Variants in CUX2 observed in about 807,000 individuals in gnomAD.
CUX2 encodes cut like homeobox 2, also known as homeobox protein cut-like 2.
In CUX2, 40 loss-of-function variants were observed where a neutral mutation model predicts 144.8. The observed-to-expected ratio is 0.28, with a 90% confidence interval of 0.21 to 0.36. CUX2 has a LOEUF of 0.36. CUX2 is among the 10% of genes least tolerant of loss of function. CUX2 has a pLI of 1.00. For synonymous variants in CUX2, 827 were observed against 875.6 expected (o/e 0.94, Z 0.98); for missense variants, 1,615 against 1,994.0 (o/e 0.81, Z 3.62).
Position 111,322,321 on chromosome 12 carries a change from C to CAAAAAAAAAAAAA in CUX2, c.2767-89_2767-77dup. On this transcript the variant is annotated intron_variant, in intron 17 of 21. Coordinates refer to ENST00000261726, the MANE Select transcript of CUX2 (RefSeq NM_015267.4). The surrounding 1 kb of genome is among the most constrained non-coding windows in gnomAD (Gnocchi z 4.2). ...CGACAGACAAAGCGAGACTCTGCCT[C>CAAAAAAAAAAAAA]AAAAAAAAAAAAAAAAAAAAAAAGG... The CAAAAAAAAAAAAA allele has an allele frequency of 1.3e-6, 1 of 758,272 alleles. No homozygotes were observed. The highest frequency in any genetic ancestry group is 1.8e-6 in the Non-Finnish European group (1 of 549,996). The allele number at this position is 758,272 out of a possible 1,614,324, so 47.0% of individuals were successfully genotyped here.
intron 2 of CUX2, among the ~76,000 whole-genome samples, chr12:111,216,098 C>T (rs1025777735): frequency 1.3e-5 from 2 of 152,172 alleles, no homozygotes; most frequent in African/African-American, 2.4e-5. Context: ...GTCCCCCAGC[C>T]GTGAAGCAGA....
At chr12:111,227,939 G>A (rs1309251495) in intron 3 of CUX2, among the ~76,000 whole-genome samples, 1 of 152,248 alleles carries the variant, frequency 6.6e-6, no homozygotes, top group East Asian at 1.9e-4. Flanking sequence ...GGCCTCATGG[G>A]AGAGACAGAT....
At chr12:111,300,643 C>T (rs547531698) in intron 9 of CUX2, among the ~76,000 whole-genome samples, 2 of 152,234 alleles carry the variant, frequency 1.3e-5, no homozygotes, top group South Asian at 4.2e-4. Flanking sequence ...CTGTGCAATC[C>T]ATACAGTCTC....
At chr12:111,230,718 C>T (rs1012695866) in intron 3 of CUX2, among the ~76,000 whole-genome samples, 4 of 152,192 alleles carry the variant, frequency 2.6e-5, no homozygotes, top group South Asian at 2.1e-4. Context: ...CACCATCTAG[C>T]GGAAGAGACA....
At chr12:111,188,639 C>G (rs566858506) in intron 1 of CUX2, among the ~76,000 whole-genome samples, 1 of 151,576 alleles carries the variant, frequency 6.6e-6, no homozygotes, top group East Asian at 1.9e-4. Flanking sequence ...ACCCAGAGAG[C>G]GGGGGGGAAA....
chr12:111,046,664 TA>T (rs1417451124), intron 1 of CUX2, among the ~76,000 whole-genome samples: 1 of 152,142 alleles, frequency 6.6e-6, no homozygotes, highest in Admixed American at 6.5e-5. Flanking sequence ...TATTTTTATT[TA>T]TTTTTTTTTG....
Position 111,255,284 on chromosome 12 carries a change from C to G in CUX2, c.223-8477C>G, listed in dbSNP as rs80336162. Among the ~76,000 whole-genome samples, 6,041 of 152,298 alleles carry G rather than the reference C, an allele frequency of 0.04. 389 individuals carry two copies. Among genetic ancestry groups the G allele is most frequent in the African/African-American group, 0.14 (5,679 of 41,534 alleles). On this transcript the variant is annotated intron_variant, in intron 3 of 21. Transcript: ENST00000261726. This position sits in a 1 kb window ranked among gnomAD's most constrained non-coding sequence, Gnocchi z 4.1. ...GCAGGAGACTGAGAACCCAGTTTGA[C>G]AACAGTAGCTATCAAAAACAAAAGT...
At chr12:111,278,495 A>G (rs147898490) in intron 4 of CUX2, among the ~76,000 whole-genome samples, 2 of 152,312 alleles carry the variant, frequency 1.3e-5, no homozygotes, top group East Asian at 1.9e-4. Context: ...TCTGCCTGCC[A>G]CAGAGATGCC....
In CUX2 at chr12:111,310,531, G is replaced by C; in HGVS notation, c.1749G>C (p.Leu583=). 6.2e-7 allele frequency: 1 copy of C among 1,614,092 alleles called. No homozygotes were observed. Among genetic ancestry groups the C allele is most frequent in the Non-Finnish European group, 8.5e-7 (1 of 1,180,018 alleles). Residue 583 remains leucine (L), a synonymous_variant, in exon 15 of 22, where the codon CTG becomes CTC. Transcript: ENST00000261726. This position sits in a 1 kb window ranked among gnomAD's most constrained non-coding sequence, Gnocchi z 7.9. ...QRVFGHYVLG[L]SQGSVSEILA... ...TGTTTGGGCATTACGTGCTGGGGCT[G>C]TCGCAGGGCTCGGTCAGCGAGATCC...
chr12:111,132,601 C>A, intron 1 of CUX2, among the ~76,000 whole-genome samples: 1 of 115,960 alleles, frequency 8.6e-6, no homozygotes, highest in Non-Finnish European at 1.6e-5. Flanking sequence ...GAGTCTCACT[C>A]TGTCACCCAG....
At position 111,274,220 on chromosome 12, in the gene CUX2, G is replaced by A. The variant is rs541545321; in HGVS notation, c.301+10381G>A. 1.2e-4 allele frequency among the ~76,000 whole-genome samples: 18 copies of A among 152,206 alleles called. No homozygotes were observed. The South Asian group carries it at 2.5e-3, about 21-fold the overall frequency. ...GCTGAGATTACAGGCATGAGCTACC[G>A]CGCCTGGTGAAGAACTTTATTTTTA... On this transcript the variant is annotated intron_variant, in intron 4 of 21. Coordinates refer to ENST00000261726, the MANE Select transcript of CUX2 (RefSeq NM_015267.4).
At chr12:111,102,495 G>C (rs1413912505) in intron 1 of CUX2, among the ~76,000 whole-genome samples, 1 of 152,226 alleles carries the variant, frequency 6.6e-6, no homozygotes, top group Non-Finnish European at 1.5e-5. Flanking sequence ...TGTGCCCTGA[G>C]CCCACCCCAC....
chr12:111,155,985 C>A (rs1382236207), intron 1 of CUX2, among the ~76,000 whole-genome samples: 1 of 152,162 alleles, frequency 6.6e-6, no homozygotes, highest in Non-Finnish European at 1.5e-5. Flanking sequence ...CGCTCACAAG[C>A]CCTGGCTTTT....
intron 1 of CUX2, among the ~76,000 whole-genome samples, chr12:111,189,128 C>T (rs1879730406): frequency 6.6e-6 from 1 of 152,066 alleles, no homozygotes; most frequent in African/African-American, 2.4e-5. Flanking sequence ...AAAAATTAGC[C>T]AAGTGTGGTG....
At position 111,263,930 on chromosome 12, in the gene CUX2, G is replaced by A. The variant is rs1461970367; in HGVS notation, c.301+91G>A. 2.1e-5 allele frequency: 26 copies of A among 1,233,022 alleles called. No individual in the cohort carries two copies. The East Asian group carries it at 5.8e-4, about 28-fold the overall frequency. The allele number at this position is 1,233,022 out of a possible 1,614,324, so 76.4% of individuals were successfully genotyped here. On this transcript the variant is annotated intron_variant, in intron 4 of 21. Coordinates refer to ENST00000261726, the MANE Select transcript of CUX2 (RefSeq NM_015267.4). The surrounding 1 kb of genome is among the most constrained non-coding windows in gnomAD (Gnocchi z 4.0). Reference sequence around the variant, plus strand: ...ACAGGGACTTTGAGGTGGGATGTGGGGACATGCCTGGGCTCCTGGGTGAGG... The same window carrying A: ...ACAGGGACTTTGAGGTGGGATGTGGAGACATGCCTGGGCTCCTGGGTGAGG...
chr12:111,212,360 G>A (rs1240672606), intron 1 of CUX2, among the ~76,000 whole-genome samples: 1 of 152,124 alleles, frequency 6.6e-6, no homozygotes, highest in Non-Finnish European at 1.5e-5. Flanking sequence ...GCAAGAATTG[G>A]TTTCAGCACC....
chr12:111,344,356 A>G (rs576479289), intron 21 of CUX2, among the ~76,000 whole-genome samples: 6 of 152,348 alleles, frequency 3.9e-5, no homozygotes, highest in African/African-American at 9.6e-5. Flanking sequence ...AGGAAGGAAC[A>G]AGGGGCCAAG....
intron 1 of CUX2, among the ~76,000 whole-genome samples, chr12:111,063,638 G>T (rs1870890081): frequency 6.6e-6 from 1 of 152,342 alleles, no homozygotes; most frequent in South Asian, 2.1e-4. Flanking sequence ...GGGGGCTGGG[G>T]GTTCTCAGGC....
At position 111,289,605 on chromosome 12, in the gene CUX2, C is replaced by T. The variant is rs1053274373; in HGVS notation, c.302-1813C>T. 6.6e-6 allele frequency among the ~76,000 whole-genome samples: 1 copy of T among 152,036 alleles called. No individual in the cohort carries two copies. The highest frequency in any genetic ancestry group is 6.6e-5 in the Admixed American group (1 of 15,256). On this transcript the variant is annotated intron_variant, in intron 4 of 21. Transcript: ENST00000261726. This position sits in a 1 kb window ranked among gnomAD's most constrained non-coding sequence, Gnocchi z 4.1. ...GGCAGGACTCCAGAGTGTAAGGAAG[C>T]GGATGTGCTTGCGGTGTAAAGGGCT...
Sources: gnomAD v4.1 joint callset for allele counts (sites outside exome capture counted in the v4.1 genomes callset) on GRCh38, gnomAD v4.1.1 for gene constraint, Gnocchi (gnomAD v3.1) non-coding constraint, MANE v1.5 for transcripts, NCBI Gene and HGNC (gene_info 2026-07-23, HGNC 2026-07-21) for gene names.